The following WDFY3 variants were observed in gnomAD, a reference collection of about 807,000 sequenced individuals.
WDFY3 encodes the protein WD repeat and FYVE domain containing 3.
Under a neutral mutation model 409.6 loss-of-function variants are expected in WDFY3, and 66 were observed. The ratio of observed to expected loss-of-function variants is 0.16; its 90% CI spans 0.13 to 0.20. The LOEUF (loss-of-function observed/expected upper bound fraction) is 0.20. Ranked by LOEUF, WDFY3 falls within the 10% of genes least tolerant of loss-of-function variation. The pLI, the probability that WDFY3 is intolerant of heterozygous loss-of-function variation, is 1.00. For synonymous variants in WDFY3, 1,521 were observed against 1,537.1 expected, an observed-to-expected ratio of 0.99 and a Z score of 0.25; for missense variants, 3,031 against 4,298.1, an observed-to-expected ratio of 0.71 and a Z score of 8.24.
intron 15 of WDFY3, among the ~76,000 whole-genome samples, chr4:84,804,895 C>G (rs1206101611): frequency 6.6e-6 from 1 of 152,138 alleles, no homozygotes; most frequent in Admixed American, 6.6e-5. Flanking sequence ...TACTGATACA[C>G]TCAGGAAGAA....
At chr4:84,705,725 T>C (rs1199201329) in intron 53 of WDFY3, among the ~76,000 whole-genome samples, 1 of 152,166 alleles carries the variant, frequency 6.6e-6, no homozygotes, top group African/African-American at 2.4e-5. Flanking sequence ...ACAGATTCAG[T>C]TGGAAGACAA....
chr4:84,906,231 T>TTTATGATC (rs1767021400), intron 2 of WDFY3, among the ~76,000 whole-genome samples: 1 of 152,188 alleles, frequency 6.6e-6, no homozygotes, highest in African/African-American at 2.4e-5. Flanking sequence ...TAAAAGATAA[T>TTTATGATC]TTATGATCTT....
intron 1 of WDFY3, among the ~76,000 whole-genome samples, chr4:84,965,346 T>C (rs940362219): frequency 1.3e-5 from 2 of 152,220 alleles, no homozygotes; most frequent in Admixed American, 1.3e-4. Flanking sequence ...AGCACCATTT[T>C]CCAACAGAAA....
At chr4:84,779,585 G>A (rs899988208) in intron 26 of WDFY3, among the ~76,000 whole-genome samples, 4 of 151,980 alleles carry the variant, frequency 2.6e-5, no homozygotes, top group African/African-American at 9.7e-5. Flanking sequence ...GCTAATTTTT[G>A]TATTTTTAGT....
At position 84,780,237 on chromosome 4, in the gene WDFY3, T is replaced by C. The variant is rs372110199; in HGVS notation, c.4236A>G (p.Ala1412=). The change falls in exon 26 of 68, where the codon GCA becomes GCG. Residue 1412 remains alanine, a synonymous_variant. Coordinates refer to ENST00000295888, the MANE Select transcript of WDFY3 (RefSeq NM_014991.6). ...CCATGGCCACCAGGCCCAGGATGGC[T>C]GCAGCTCCACCAACGTACTGCAAAG... ...ATTLQYVGGA[A]AILGLVAMAS... The C allele has an allele frequency of 3.3e-5, 54 of 1,613,974 alleles. No homozygotes were observed. The highest frequency in any genetic ancestry group is 4.3e-5 in the Non-Finnish European group (51 of 1,179,986).
chr4:84,876,459 A>G (rs1762798984), intron 3 of WDFY3, among the ~76,000 whole-genome samples: 1 of 152,210 alleles, frequency 6.6e-6, no homozygotes, highest in African/African-American at 2.4e-5. Flanking sequence ...TCATGGTGTT[A>G]TTTGTAGAAA....
chr4:84,770,250 G>A (rs1049183308), intron 30 of WDFY3, among the ~76,000 whole-genome samples: 10 of 151,844 alleles, frequency 6.6e-5, no homozygotes, highest in African/African-American at 2.2e-4. Context: ...GGATGGTCTC[G>A]AACTCCTGAC....
At chr4:84,943,732 T>C (rs1772443273) in intron 1 of WDFY3, among the ~76,000 whole-genome samples, 1 of 152,088 alleles carries the variant, frequency 6.6e-6, no homozygotes, top group South Asian at 2.1e-4. Flanking sequence ...AAAAAACTGC[T>C]CTTTAAAGGT....
chr4:84,750,266 G>A (rs1740279244), intron 36 of WDFY3, among the ~76,000 whole-genome samples: 1 of 152,046 alleles, frequency 6.6e-6, no homozygotes. Context: ...TCTACCACAT[G>A]CATTAGTGAG....
At chr4:84,820,707 G>A (rs556578508) in intron 11 of WDFY3, among the ~76,000 whole-genome samples, 1 of 152,098 alleles carries the variant, frequency 6.6e-6, no homozygotes, top group Non-Finnish European at 1.5e-5. Flanking sequence ...ACACATTGAA[G>A]TAACTATACA....
chr4:84,841,721 T>G (rs1410383833), intron 5 of WDFY3, among the ~76,000 whole-genome samples: 1 of 152,186 alleles, frequency 6.6e-6, no homozygotes, highest in East Asian at 1.9e-4. Context: ...AGAAGTGCAG[T>G]CTAATACCAA....
intron 1 of WDFY3, among the ~76,000 whole-genome samples, chr4:84,949,720 T>G (rs969744474): frequency 1.3e-5 from 2 of 152,216 alleles, no homozygotes; most frequent in African/African-American, 4.8e-5. Context: ...TTTCCTCTGC[T>G]TTCTCTACAA....
chr4:84,672,808 G>C lies in WDFY3; in HGVS notation c.*60C>G, dbSNP rs1413878876. 4.4e-6 allele frequency: 7 copies of C among 1,595,366 alleles called. No individual in the cohort carries two copies. Among genetic ancestry groups the C allele is most frequent in the Admixed American group, 1.8e-5 (1 of 56,036 alleles). On this transcript the variant is annotated 3_prime_UTR_variant, in exon 68 of 68. Transcript: ENST00000295888. ...GACTGTTTTCAATGCCTTCCAAGCT[G>C]GGACAGGAGAATCGGGAAGGGGTCT...
At position 84,865,731 on chromosome 4, in the gene WDFY3, A is replaced by C. The variant is rs891096654; in HGVS notation, c.-31-5109T>G. Among the ~76,000 whole-genome samples the C allele has an allele frequency of 1.2e-4, 18 of 152,094 alleles. 1 individual carries two copies. The highest frequency in any genetic ancestry group is 1.2e-3 in the Admixed American group (18 of 15,254). Reference sequence around the variant, plus strand: ...CAAACCCCACTGGAATGATCCCTACATCTATCATGATGGTCTTGAATAAAG... The same window carrying C: ...CAAACCCCACTGGAATGATCCCTACCTCTATCATGATGGTCTTGAATAAAG... On this transcript the variant is annotated intron_variant, in intron 3 of 67. Transcript: ENST00000295888.
At chr4:84,887,452 C>G (rs936113747) in intron 3 of WDFY3, among the ~76,000 whole-genome samples, 1 of 152,166 alleles carries the variant, frequency 6.6e-6, no homozygotes, top group African/African-American at 2.4e-5. Flanking sequence ...ACCAGCCATT[C>G]TTTCCTTGAA....
chr4:84,865,552 C>A (rs577088170), intron 3 of WDFY3, among the ~76,000 whole-genome samples: 2 of 152,216 alleles, frequency 1.3e-5, no homozygotes, highest in African/African-American at 2.4e-5. Flanking sequence ...CGGCAAAAAT[C>A]TTGTTAGGTC....
At chr4:84,798,431 A>C (rs1749898678) in intron 17 of WDFY3, among the ~76,000 whole-genome samples, 1 of 152,202 alleles carries the variant, frequency 6.6e-6, no homozygotes, top group South Asian at 2.1e-4. Context: ...ATAGTAAAAC[A>C]TACACAGTGT....
chr4:84,894,649 T>C (rs1446234790), intron 3 of WDFY3, among the ~76,000 whole-genome samples: 3 of 151,896 alleles, frequency 2.0e-5, no homozygotes, highest in African/African-American at 7.3e-5. Context: ...TAGCCGGGCA[T>C]GGGGCACACG....
At chr4:84,959,689 C>T (rs1774678749) in intron 1 of WDFY3, among the ~76,000 whole-genome samples, 1 of 152,136 alleles carries the variant, frequency 6.6e-6, no homozygotes, top group Admixed American at 6.5e-5. Flanking sequence ...TTATGAGTTA[C>T]ATTTGGGCCA....
Sources: gnomAD v4.1 joint callset for allele counts (sites outside exome capture counted in the v4.1 genomes callset) on GRCh38, gnomAD v4.1.1 for gene constraint, MANE v1.5 for transcripts, NCBI Gene and HGNC (gene_info 2026-07-23, HGNC 2026-07-21) for gene names.